The following FAM219A variants were observed in gnomAD, a reference collection of about 807,000 sequenced individuals.
The protein encoded by FAM219A is protein FAM219A.
Under a neutral mutation model 23.4 loss-of-function variants are expected in FAM219A, and 7 were observed. That is an observed-to-expected ratio of 0.30 (90% CI 0.17 to 0.56). The LOEUF is 0.56. Among genes scored for constraint, FAM219A ranks in the 20% least tolerant of loss-of-function variants. FAM219A has a pLI of 0.92. For missense variants in FAM219A, 166 were observed against 246.9 expected, an observed-to-expected ratio of 0.67 and a Z score of 2.20; for synonymous variants, 93 against 99.0, an observed-to-expected ratio of 0.94 and a Z score of 0.36.
chr9:34,444,567 T>C (rs1220232808), intron 1 of FAM219A, among the ~76,000 whole-genome samples: 1 of 152,212 alleles, frequency 6.6e-6, no homozygotes. Context: ...GGAGAGGGGC[T>C]GGATTGGCCT....
At chr9:34,404,709 AAACAAC>A (rs3036359) in intron 2 of FAM219A, among the ~76,000 whole-genome samples, 204 of 150,996 alleles carry the variant, frequency 1.4e-3, no homozygotes, top group African/African-American at 4.6e-3. Flanking sequence ...CTCTGTCTCA[AAACAAC>A]AACAACAACA....
At chr9:34,441,814 C>T (rs561040527) in intron 1 of FAM219A, among the ~76,000 whole-genome samples, 2 of 152,228 alleles carry the variant, frequency 1.3e-5, no homozygotes, top group East Asian at 1.9e-4. Flanking sequence ...ACTGCAGCCT[C>T]GACCTCCTGG....
chr9:34,437,967 G>A (rs572208268), intron 1 of FAM219A, among the ~76,000 whole-genome samples: 27 of 152,348 alleles, frequency 1.8e-4, no homozygotes, highest in Admixed American at 6.5e-4. Context: ...TGGCGCTTGC[G>A]GGCCACCTGG....
intron 1 of FAM219A, among the ~76,000 whole-genome samples, chr9:34,441,737 T>G (rs1315647928): frequency 6.6e-6 from 1 of 152,136 alleles, no homozygotes; most frequent in Non-Finnish European, 1.5e-5. Context: ...TTTTATTTAT[T>G]TTTTATTTTT....
At chr9:34,429,440 G>A (rs1454702516) in intron 1 of FAM219A, among the ~76,000 whole-genome samples, 1 of 152,200 alleles carries the variant, frequency 6.6e-6, no homozygotes, top group Non-Finnish European at 1.5e-5. Context: ...GAATCATAAA[G>A]TGAGAGCTGC....
At chr9:34,416,224 A>AAAGG (rs1799578666) in intron 1 of FAM219A, among the ~76,000 whole-genome samples, 1 of 136,988 alleles carries the variant, frequency 7.3e-6, no homozygotes, top group East Asian at 2.1e-4. Flanking sequence ...AGAAAGAAAG[A>AAAGG]AAGAAAGAAA....
chr9:34,416,738 A>AG (rs1212780201), intron 1 of FAM219A, among the ~76,000 whole-genome samples: 2 of 56,524 alleles, frequency 3.5e-5, no homozygotes, highest in Admixed American at 3.6e-4. Flanking sequence ...ACTCTGTCTC[A>AG]AAAAAAAAAA....
At position 34,458,325 on chromosome 9, in the gene FAM219A, G is replaced by A. The variant is rs1197520177; in HGVS notation, c.-62C>T. ...GCCGCGGACGCCGACAGGACCGCGC[G>A]GGGCGGCGGCCCCAGGAGCCCGGCG... On this transcript the variant is annotated 5_prime_UTR_variant, in exon 1 of 6. Transcript: ENST00000651358. The surrounding 1 kb of genome is among the most constrained non-coding windows in gnomAD (Gnocchi z 6.6). 8 of 1,193,370 alleles carry A rather than the reference G, an allele frequency of 6.7e-6. No homozygotes were observed. Among genetic ancestry groups the A allele is most frequent in the Non-Finnish European group, 8.4e-6 (8 of 957,828 alleles). 73.9% of individuals were successfully genotyped at this position (1,193,370 alleles called of 1,614,324 possible).
At chr9:34,411,827 G>T (rs867674575) in intron 1 of FAM219A, among the ~76,000 whole-genome samples, 2 of 152,156 alleles carry the variant, frequency 1.3e-5, no homozygotes, top group Admixed American at 6.5e-5. Context: ...CACTTGAAAA[G>T]ATCTTAAAAC....
At chr9:34,402,904 A>G (rs1588029527) in intron 2 of FAM219A, 97 bp from the exon 3 acceptor site, 1 of 1,042,610 alleles carries the variant, frequency 9.6e-7, no homozygotes, top group Non-Finnish European at 1.4e-6. Context: ...CTGTGAAACC[A>G]CTTGCTCCTA....
chr9:34,455,465 ATTTT>A (rs11394221), intron 1 of FAM219A, among the ~76,000 whole-genome samples: 2 of 129,682 alleles, frequency 1.5e-5, no homozygotes, highest in African/African-American at 3.0e-5. Flanking sequence ...TGCTATCTTG[ATTTT>A]TTTTTTTTTT....
intron 1 of FAM219A, among the ~76,000 whole-genome samples, chr9:34,411,235 T>C (rs1325431724): frequency 2.6e-5 from 4 of 152,286 alleles, no homozygotes; most frequent in Non-Finnish European, 5.9e-5. Flanking sequence ...TTAATGATGA[T>C]AGGGCTCACA....
intron 1 of FAM219A, among the ~76,000 whole-genome samples, chr9:34,408,981 C>G (rs1210654385): frequency 6.6e-6 from 1 of 152,232 alleles, no homozygotes; most frequent in Non-Finnish European, 1.5e-5. Context: ...ACAGGAAGGA[C>G]AGGGCTAGAA....
intron 1 of FAM219A, among the ~76,000 whole-genome samples, chr9:34,416,254 A>G (rs1292811640): frequency 1.2e-4 from 11 of 90,326 alleles, no homozygotes; most frequent in South Asian, 9.4e-4. Flanking sequence ...AAAGAAAGAA[A>G]GAAAGGGGGA....
chr9:34,455,797 T>A (rs1823708345), intron 1 of FAM219A, among the ~76,000 whole-genome samples: 1 of 152,164 alleles, frequency 6.6e-6, no homozygotes, highest in Non-Finnish European at 1.5e-5. Context: ...GCCTCTGGAA[T>A]ACAACCTGGG....
intron 1 of FAM219A, among the ~76,000 whole-genome samples, chr9:34,455,314 C>A (rs1823690179): frequency 6.6e-6 from 1 of 152,068 alleles, no homozygotes; most frequent in Non-Finnish European, 1.5e-5. Context: ...GGAGGAGAGA[C>A]TTCCTAGAGG....
chr9:34,438,417 G>T (rs1823013336), intron 1 of FAM219A, among the ~76,000 whole-genome samples: 1 of 152,238 alleles, frequency 6.6e-6, no homozygotes, highest in Non-Finnish European at 1.5e-5. Flanking sequence ...TCCTGAGTCT[G>T]GTGGGGAGGT....
intron 1 of FAM219A, among the ~76,000 whole-genome samples, chr9:34,428,893 G>GT (rs764596037): frequency 3.3e-5 from 5 of 152,256 alleles, no homozygotes; most frequent in Non-Finnish European, 5.9e-5. Context: ...GGAATGTGCT[G>GT]TTTCCTGGAG....
intron 1 of FAM219A, among the ~76,000 whole-genome samples, chr9:34,421,281 G>A (rs76353112): frequency 0.014 from 2,091 of 152,210 alleles, 49 homozygotes; most frequent in African/African-American, 0.048. Context: ...ATAGGGGTGT[G>A]TGTGTGCCAG....
Sources: allele counts gnomAD v4.1 joint callset (sites outside exome capture counted in the v4.1 genomes callset), GRCh38; gene constraint gnomAD v4.1.1; non-coding constraint Gnocchi (gnomAD v3.1); transcripts MANE v1.5; gene names NCBI Gene and HGNC (gene_info 2026-07-23, HGNC 2026-07-21).